The following VWDE variants were observed in gnomAD, a reference collection of about 807,000 sequenced individuals.
VWDE encodes von Willebrand factor D and EGF domain-containing protein.
In VWDE, 207 loss-of-function variants were observed where a neutral mutation model predicts 178.4. The observed-to-expected ratio is 1.16, with a 90% CI of 1.04 to 1.30. The LOEUF (loss-of-function observed/expected upper bound fraction) is 1.30, where lower values mean the gene tolerates loss of function less well. Ranked by LOEUF, VWDE falls within the 50% of genes most tolerant of loss-of-function variation. The pLI is 0.00. For missense variants in VWDE, 2,287 were observed against 1,901.3 expected, an observed-to-expected ratio of 1.20 and a Z score of -3.77; for synonymous variants, 738 against 651.4, an observed-to-expected ratio of 1.13 and a Z score of -2.02.
chr7:12,380,416 T>C (rs1243205655), intron 5 of VWDE, 70 bp downstream of exon 5: 7 of 1,504,182 alleles, frequency 4.7e-6, no homozygotes, highest in Non-Finnish European at 5.3e-6. Context: ...TTTTTGGATA[T>C]GATGTTTAAA....
At chr7:12,381,880 T>A (rs1177778965) in intron 4 of VWDE, among the ~76,000 whole-genome samples, 1 of 151,810 alleles carries the variant, frequency 6.6e-6, no homozygotes, top group Non-Finnish European at 1.5e-5. Flanking sequence ...AAAAAATAAT[T>A]CATGATGATT....
Position 12,380,712 on chromosome 7 carries a change from G to A in VWDE, c.563C>T (p.Pro188Leu), listed in dbSNP as rs142557327. The A allele has an allele frequency of 2.1e-5, 32 of 1,551,792 alleles. No homozygotes were observed. In the African/African-American group the frequency reaches 3.0e-4, roughly 15 times the overall value. ...CTCTGGCCTTCCTGCAGGTGGAGGT[G>A]GCAATGAGGCAGCCAGCTGACCTGG... is the stretch of plus-strand genomic sequence containing the variant. Reference protein sequence around the residue: ...DCVRQLAASLPPPPAGRPEVL... With the variant: ...DCVRQLAASLLPPPAGRPEVL... Residue 188 changes from proline (P) to leucine (L), a missense_variant, in exon 5 of 29, where the codon CCA (proline) becomes CTA (leucine). Physicochemically the swap from Pro to Leu is moderately conservative, Grantham distance 98 (BLOSUM62 -3). Transcript: ENST00000275358.
At chr7:12,332,504 C>T (rs1780782980) in intron 28 of VWDE, among the ~76,000 whole-genome samples, 1 of 152,014 alleles carries the variant, frequency 6.6e-6, no homozygotes, top group Non-Finnish European at 1.5e-5. Context: ...AGTTAAAAAG[C>T]TTTAGAGGTC....
In VWDE at chr7:12,357,464, T is replaced by C. The variant is rs1782318401; in HGVS notation, c.3326A>G (p.Tyr1109Cys). 7 of 1,552,172 alleles carry C rather than the reference T, an allele frequency of 4.5e-6. No homozygotes were observed. Among genetic ancestry groups the C allele is most frequent in the South Asian group, 3.6e-5 (3 of 84,060 alleles). ...GAACTGATACTCAAAGTTTTCACCA[T>C]AAAATGTCTGTAATTTGTCTTGCAA... ...QALQDKLQTF[Y>C]GENFEYQFVA... Residue 1109 changes from tyrosine (Y) to cysteine (C), a missense_variant, in exon 17 of 29, where the codon TAT becomes TGT. Tyr to Cys is a radical substitution (Grantham distance 194, BLOSUM62 -2). Transcript: ENST00000275358.
chr7:12,396,928 T>C (rs888677138), intron 1 of VWDE, among the ~76,000 whole-genome samples: 2 of 151,972 alleles, frequency 1.3e-5, no homozygotes, highest in African/African-American at 4.8e-5. Context: ...AGAGTGAAAC[T>C]CTGTCTCAAA....
Position 12,370,208 on chromosome 7 carries a change from T to C in VWDE, c.2098A>G (p.Lys700Glu). The C allele has an allele frequency of 6.4e-7, 1 of 1,551,254 alleles. No individual in the cohort carries two copies. Among genetic ancestry groups the C allele is most frequent in the Non-Finnish European group, 8.7e-7 (1 of 1,146,858 alleles). Residue 700 changes from lysine (K) to glutamate (E), a missense_variant, in exon 12 of 29, where the codon AAA becomes GAA. By Grantham distance (56) the Lys-to-Glu change is moderately conservative (BLOSUM62 1). Coordinates refer to ENST00000275358, the MANE Select transcript of VWDE (RefSeq NM_001135924.3). ...YNLNLFLQEK[K>E]HINLTKLGLN... is the part of the protein sequence containing the mutation. ...CCGAGTTTAGTCAGGTTTATGTGTT[T>C]TTTTTCTTGCAGAAATAAATTTAGA...
intron 4 of VWDE, among the ~76,000 whole-genome samples, 165 bp from the exon 5 acceptor site, chr7:12,380,898 T>C (rs749017945): frequency 1.3e-5 from 2 of 152,194 alleles, no homozygotes; most frequent in Admixed American, 6.5e-5. Flanking sequence ...TACTTTCATA[T>C]TCTGGCCCAT....
chr7:12,389,761 A>T (rs768267826), intron 2 of VWDE, among the ~76,000 whole-genome samples: 1 of 152,224 alleles, frequency 6.6e-6, no homozygotes, highest in Non-Finnish European at 1.5e-5. Flanking sequence ...AATTGCTTGA[A>T]ATAGTATGCA....
At position 12,370,043 on chromosome 7, in the gene VWDE, A is replaced by C. The variant is rs1783089359; in HGVS notation, c.2263T>G (p.Phe755Val). 6.4e-7 allele frequency: 1 copy of C among 1,551,380 alleles called. No individual in the cohort carries two copies. Among genetic ancestry groups the C allele is most frequent in the Admixed American group, 2.0e-5 (1 of 50,950 alleles). Residue 755 changes from phenylalanine to valine, a missense_variant, in exon 12 of 29, where the codon TTT becomes GTT. Transcript: ENST00000275358. ...GCAAACAAAGGAGGAAACTCATGAAAGTTCTGCCGTTTCCATCTGTTTTGT... is the reference window on the plus strand; with the variant it reads ...GCAAACAAAGGAGGAAACTCATGAACGTTCTGCCGTTTCCATCTGTTTTGT... Reference protein sequence around the residue: ...NRQNRWKRQNFHEFPPLFAFP... With the variant: ...NRQNRWKRQNVHEFPPLFAFP...
rs561913445 is a variant in VWDE at position 12,356,905 on chromosome 7, A to G, written c.3525+360T>C. Among the ~76,000 whole-genome samples the G allele has an allele frequency of 2.0e-5, 3 of 152,350 alleles. No individual in the cohort carries two copies. The South Asian group carries it at 6.2e-4, about 32-fold the overall frequency. ...AGTTGTATTTATAATCTTGATTTCT[A>G]ATTCAACATCTCAGGTCCTTTCACT... On this transcript the variant is annotated intron_variant, in intron 17 of 28. Coordinates refer to ENST00000275358, the MANE Select transcript of VWDE (RefSeq NM_001135924.3).
At chr7:12,343,689 G>C (rs1474166155) in intron 21 of VWDE, among the ~76,000 whole-genome samples, 1 of 152,008 alleles carries the variant, frequency 6.6e-6, no homozygotes, top group African/African-American at 2.4e-5. Flanking sequence ...TTTCTTTAAA[G>C]TATCATCCAC....
intron 7 of VWDE, among the ~76,000 whole-genome samples, chr7:12,376,794 G>T (rs1312064284): frequency 6.6e-6 from 1 of 151,992 alleles, no homozygotes; most frequent in Non-Finnish European, 1.5e-5. Context: ...GTATTACTGA[G>T]CCTGCTTACT....
chr7:12,349,130 G>A (rs1250056776), intron 19 of VWDE, among the ~76,000 whole-genome samples: 1 of 152,142 alleles, frequency 6.6e-6, no homozygotes, highest in Non-Finnish European at 1.5e-5. Context: ...AATGCTAGAT[G>A]ACGAGTTAGT....
chr7:12,395,951 C>A (rs1784600965), intron 1 of VWDE, among the ~76,000 whole-genome samples: 1 of 151,968 alleles, frequency 6.6e-6, no homozygotes, highest in South Asian at 2.1e-4. Flanking sequence ...ACAGAGCTTT[C>A]TGGCAAACTG....
At chr7:12,400,599 A>C (rs1479968042) in intron 1 of VWDE, among the ~76,000 whole-genome samples, 1 of 152,162 alleles carries the variant, frequency 6.6e-6, no homozygotes, top group Non-Finnish European at 1.5e-5. Context: ...GATGGCATCA[A>C]TGCTAAATTC....
intron 7 of VWDE, among the ~76,000 whole-genome samples, chr7:12,376,860 T>C (rs1387333521): frequency 1.3e-5 from 2 of 152,088 alleles, no homozygotes; most frequent in Non-Finnish European, 2.9e-5. Flanking sequence ...GCCATCTCTT[T>C]TCTTGAGTGC....
intron 28 of VWDE, among the ~76,000 whole-genome samples, chr7:12,332,913 A>C (rs925204484): frequency 6.6e-6 from 1 of 152,170 alleles, no homozygotes; most frequent in East Asian, 1.9e-4. Flanking sequence ...GACTTTTTAA[A>C]TTACAACTCC....
chr7:12,331,284 G>T, intron 28 of VWDE, 87 bp from the exon 29 acceptor site: 2 of 1,086,922 alleles, frequency 1.8e-6, no homozygotes, highest in South Asian at 1.5e-5. Context: ...CCTTCCCTCT[G>T]ACATGATACG....
intron 2 of VWDE, among the ~76,000 whole-genome samples, chr7:12,392,789 G>A (rs1338424261): frequency 1.5e-5 from 2 of 137,544 alleles, no homozygotes; most frequent in Non-Finnish European, 1.5e-5. Flanking sequence ...AAGAGTGAAC[G>A]TTACGTAAAG....
Sources: allele counts gnomAD v4.1 joint callset (sites outside exome capture counted in the v4.1 genomes callset), GRCh38; gene constraint gnomAD v4.1.1; transcripts MANE v1.5; gene names NCBI Gene and HGNC (gene_info 2026-07-23, HGNC 2026-07-21).